CCDC30: variants seen among roughly 807,000 people sequenced by gnomAD.
CCDC30 encodes the protein coiled-coil domain-containing protein 30.
A neutral mutation model predicts 100.2 loss-of-function variants in CCDC30; 70 were observed. The observed-to-expected ratio is 0.70, with a 90% CI of 0.58 to 0.85. The LOEUF is 0.85. CCDC30 is among the 40% of genes least tolerant of loss of function. CCDC30 has a pLI of 0.00. For missense variants in CCDC30, 652 were observed against 771.2 expected, an observed-to-expected ratio of 0.85 and a Z score of 1.83; for synonymous variants, 233 against 269.5, an observed-to-expected ratio of 0.86 and a Z score of 1.33.
rs773525244 is a variant in CCDC30, at chr1:42,580,859, G to C, written c.847-501G>C. 72 of 456,164 alleles carry C rather than the reference G, an allele frequency of 1.6e-4. No homozygotes were observed. The Middle Eastern group carries it at 2.6e-3, about 17-fold the overall frequency. 28.3% of individuals were successfully genotyped at this position (456,164 alleles called of 1,614,324 possible). ...TTATTCATGAATCTAGCCACACTGT[G>C]GAGAAACTAGGTGCACTCACAATGC... On this transcript the variant is annotated intron_variant, in intron 8 of 16. Coordinates refer to ENST00000668663, the Ensembl canonical transcript of CCDC30.
intron 6 of CCDC30, 93 bp from the exon 8 acceptor site, chr1:42,539,080 A>G: frequency 9.4e-7 from 1 of 1,060,272 alleles, no homozygotes; most frequent in Non-Finnish European, 1.3e-6. Context: ...ATTTGTCAGG[A>G]CCATTTCAAG....
At chr1:42,561,716 C>T (rs548698089) in intron 6 of CCDC30, among the ~76,000 whole-genome samples, 1 of 152,242 alleles carries the variant, frequency 6.6e-6, no homozygotes, top group Admixed American at 6.5e-5. Context: ...ATCATCTCAG[C>T]CCAAAAACTT....
At chr1:42,533,842 A>G (rs558470159) in intron 6 of CCDC30, 2 of 152,358 alleles carry the variant, frequency 1.3e-5, no homozygotes, top group South Asian at 2.1e-4. Context: ...CACCTTTCAG[A>G]GAGTAGAACA....
chr1:42,611,676 C>CA (rs957920950), intron 11 of CCDC30, among the ~76,000 whole-genome samples: 20 of 149,900 alleles, frequency 1.3e-4, no homozygotes, highest in African/African-American at 3.9e-4. Context: ...AACAACATTG[C>CA]AAAAAAAAAT....
chr1:42,582,306 G>A (rs1645984423), intron 9 of CCDC30, among the ~76,000 whole-genome samples: 1 of 152,170 alleles, frequency 6.6e-6, no homozygotes, highest in Admixed American at 6.5e-5. Flanking sequence ...ACACCATTTA[G>A]TCCATCCCTA....
intron 7 of CCDC30, among the ~76,000 whole-genome samples, chr1:42,573,267 T>C (rs1645770233): frequency 6.6e-6 from 1 of 152,224 alleles, no homozygotes; most frequent in Non-Finnish European, 1.5e-5. Flanking sequence ...TTGAATCCTC[T>C]AATTTAAGAA....
intron 11 of CCDC30, among the ~76,000 whole-genome samples, chr1:42,614,927 T>C (rs1487414777): frequency 6.6e-6 from 1 of 152,240 alleles, no homozygotes; most frequent in Non-Finnish European, 1.5e-5. Flanking sequence ...TCCTAGAATT[T>C]CTTCTAAATG....
At chr1:42,492,087 A>G in intron 4 of CCDC30, 1 of 332,960 alleles carries the variant, frequency 3.0e-6, no homozygotes, top group Non-Finnish European at 5.8e-6. Context: ...ATGGCAGACC[A>G]TGATTGAACC....
At chr1:42,644,497 A>C (rs1417341290) in intron 13 of CCDC30, among the ~76,000 whole-genome samples, 196 bp from the exon 18 acceptor site, 2 of 152,162 alleles carry the variant, frequency 1.3e-5, no homozygotes, top group Non-Finnish European at 2.9e-5. Context: ...GTATCCCTCC[A>C]TGCAATCAAG....
intron 14 of CCDC30, 24 bp from the exon 19 acceptor site, chr1:42,646,111 C>G: frequency 3.2e-6 from 5 of 1,546,358 alleles, no homozygotes; most frequent in Non-Finnish European, 4.3e-6. Flanking sequence ...AAATAAATAA[C>G]TCCAAAATTG....
intron 3 of CCDC30, among the ~76,000 whole-genome samples, chr1:42,485,872 G>C (rs746282732): frequency 6.6e-6 from 1 of 152,000 alleles, no homozygotes; most frequent in African/African-American, 2.4e-5. Flanking sequence ...ATTATTTGTC[G>C]ATTAAGAAGA....
intron 6 of CCDC30, among the ~76,000 whole-genome samples, chr1:42,561,501 T>C (rs927546251): frequency 4.6e-5 from 7 of 152,166 alleles, no homozygotes; most frequent in Admixed American, 4.6e-4. Flanking sequence ...GCCAATATCA[T>C]ATTGAATGGG....
chr1:42,456,413 G>A, the CCDC30 span: 1 of 839,798 alleles, frequency 1.2e-6, no homozygotes, highest in Non-Finnish European at 1.8e-6. Context: ...GAACAACTAC[G>A]CATTTCCAGA....
rs61260600 is a variant in CCDC30 at position 42,652,399 on chromosome 1, GTTAA to G, written c.1855-973_1855-970del. Reference sequence around the variant, plus strand: ...AGTAAGTATTTGAGGTGATGGATATGTTAATTACCTCAATTCAATCATTCCATAT... The same window carrying G: ...AGTAAGTATTTGAGGTGATGGATATGTTACCTCAATTCAATCATTCCATAT... On this transcript the variant is annotated intron_variant, in intron 15 of 16. Transcript: ENST00000668663. 9.8e-3 allele frequency among the ~76,000 whole-genome samples: 1,491 copies of G among 152,270 alleles called. 13 individuals are homozygous for G. The highest frequency in any genetic ancestry group is 0.034 in the Middle Eastern group (10 of 294).
At chr1:42,653,490 TGTCAGCCATGCC>T in intron 16 of CCDC30, 47 bp downstream of exon 20, 8 of 1,234,292 alleles carry the variant, frequency 6.5e-6, no homozygotes, top group Non-Finnish European at 9.5e-6. Flanking sequence ...TGAGATGGAC[TGTCAGCCATGCC>T]TGAGAGTCAT....
intron 11 of CCDC30, among the ~76,000 whole-genome samples, chr1:42,636,551 T>A (rs554686721): frequency 1.4e-4 from 22 of 152,228 alleles, no homozygotes; most frequent in Non-Finnish European, 3.1e-4. Context: ...AATGACTGAA[T>A]TAGTGGAACA....
At chr1:42,608,575 C>T (rs1213073949) in intron 10 of CCDC30, among the ~76,000 whole-genome samples, 2 of 151,810 alleles carry the variant, frequency 1.3e-5, no homozygotes, top group Non-Finnish European at 2.9e-5. Context: ...TGGCGGTGGG[C>T]GCCTGGGTAG....
intron 6 of CCDC30, among the ~76,000 whole-genome samples, chr1:42,505,334 C>G (rs1644378253): frequency 6.6e-6 from 1 of 151,986 alleles, no homozygotes; most frequent in Admixed American, 6.6e-5. Context: ...TTTACATTAC[C>G]CATACATTTT....
chr1:42,574,439 G>A (rs1645793220), intron 7 of CCDC30, among the ~76,000 whole-genome samples: 1 of 151,386 alleles, frequency 6.6e-6, no homozygotes, highest in South Asian at 2.1e-4. Flanking sequence ...AACAAAGGTA[G>A]CTTTTGAAAA....
Sources: allele counts gnomAD v4.1 joint callset (sites outside exome capture counted in the v4.1 genomes callset), GRCh38; gene constraint gnomAD v4.1.1; transcripts MANE v1.5; gene names NCBI Gene and HGNC (gene_info 2026-07-23, HGNC 2026-07-21).